APBB2: variants seen among roughly 807,000 people sequenced by gnomAD.
APBB2 encodes the protein Fe65-like 1.
APBB2 carries 38 observed loss-of-function variants against 82.5 expected under a neutral mutation model. The ratio of observed to expected loss-of-function variants is 0.46; its 90% CI spans 0.36 to 0.60. APBB2 has a LOEUF of 0.60. Among genes scored for constraint, APBB2 ranks in the 20% least tolerant of loss-of-function variants. The probability of loss-of-function intolerance (pLI) is 0.00; values close to 1 mark genes in which losing one functional copy is unlikely to be tolerated. For synonymous variants in APBB2, 341 were observed against 368.2 expected (o/e 0.93, Z 0.85); for missense variants, 772 against 972.3 (o/e 0.79, Z 2.74).
intron 6 of APBB2, among the ~76,000 whole-genome samples, chr4:40,954,839 A>G (rs1791152675): frequency 6.6e-6 from 1 of 151,962 alleles, no homozygotes; most frequent in Non-Finnish European, 1.5e-5. Flanking sequence ...AATTTTTTGT[A>G]TTTTTAATAG....
At chr4:40,819,213 TCTCA>T (rs1341089038) in intron 17 of APBB2, among the ~76,000 whole-genome samples, 1 of 140,794 alleles carries the variant, frequency 7.1e-6, no homozygotes, top group South Asian at 2.3e-4. Flanking sequence ...TGAGACAGGG[TCTCA>T]CTCTTTCACA....
At chr4:40,818,145 C>G (rs1054400911) in intron 17 of APBB2, among the ~76,000 whole-genome samples, 4 of 152,188 alleles carry the variant, frequency 2.6e-5, no homozygotes, top group Admixed American at 2.0e-4. Flanking sequence ...AATAGATATT[C>G]ACATGGTATA....
At chr4:41,146,189 G>C (rs1320127612) in intron 1 of APBB2, among the ~76,000 whole-genome samples, 1 of 152,086 alleles carries the variant, frequency 6.6e-6, no homozygotes, top group African/African-American at 2.4e-5. Context: ...AGCAAGGCAT[G>C]GTGGCACACG....
chr4:41,195,403 C>A, intron 1 of APBB2, among the ~76,000 whole-genome samples: 1 of 152,042 alleles, frequency 6.6e-6, no homozygotes, highest in African/African-American at 2.4e-5. Context: ...ATCAACAAAC[C>A]GTGCTCGCTC....
intron 1 of APBB2, among the ~76,000 whole-genome samples, chr4:41,196,456 C>CA: frequency 1.3e-5 from 2 of 152,010 alleles, no homozygotes; most frequent in African/African-American, 4.8e-5. Context: ...ACATTCAATG[C>CA]AAAAAAATTC....
chr4:41,176,735 G>A (rs1769889251), intron 1 of APBB2, among the ~76,000 whole-genome samples: 2 of 151,918 alleles, frequency 1.3e-5, no homozygotes, highest in African/African-American at 2.4e-5. Context: ...CAAAACAAAT[G>A]AAAAGCTAAT....
intron 12 of APBB2, among the ~76,000 whole-genome samples, chr4:40,831,135 C>T (rs1166914390): frequency 1.3e-5 from 2 of 151,956 alleles, no homozygotes; most frequent in African/African-American, 4.8e-5. Context: ...CGTGGTGGCT[C>T]ATGCCTGTAA....
Position 40,981,336 on chromosome 4 carries a change from C to T in APBB2, c.835+32247G>A, listed in dbSNP as rs1400676382. 6.6e-5 allele frequency among the ~76,000 whole-genome samples: 10 copies of T among 151,640 alleles called. No homozygotes were observed. The South Asian group carries it at 1.0e-3, about 16-fold the overall frequency. ...GTGGAGGTTTACAGTGAGCTGAGAT[C>T]GCACCACTGTACTCTGGCCTGGCGA... On this transcript the variant is annotated intron_variant, in intron 6 of 17. Transcript: ENST00000508593.
chr4:41,182,266 A>G (rs1194617044), intron 1 of APBB2, among the ~76,000 whole-genome samples: 1 of 152,184 alleles, frequency 6.6e-6, no homozygotes, highest in Non-Finnish European at 1.5e-5. Context: ...ACTGCTTGTC[A>G]AGATCACCAA....
chr4:41,195,999 A>C, intron 1 of APBB2, among the ~76,000 whole-genome samples: 5 of 150,664 alleles, frequency 3.3e-5, no homozygotes, highest in Non-Finnish European at 7.4e-5. Context: ...TCTCTACCGA[A>C]ACTACAAAAA....
At chr4:40,974,314 C>A (rs1796650535) in intron 6 of APBB2, among the ~76,000 whole-genome samples, 1 of 152,122 alleles carries the variant, frequency 6.6e-6, no homozygotes, top group African/African-American at 2.4e-5. Flanking sequence ...GGACACAATT[C>A]AACTTATTAA....
At chr4:40,902,733 T>C (rs1338285051) in intron 10 of APBB2, among the ~76,000 whole-genome samples, 49 of 152,180 alleles carry the variant, frequency 3.2e-4, no homozygotes, top group Non-Finnish European at 4.4e-5. Context: ...TCTTGCCATG[T>C]TGCCCAGGCT....
At chr4:40,916,122 T>G (rs1174132314) in intron 10 of APBB2, among the ~76,000 whole-genome samples, 3 of 152,074 alleles carry the variant, frequency 2.0e-5, no homozygotes, top group Non-Finnish European at 1.5e-5. Context: ...AGAAAACATT[T>G]TAGGTAGTTG....
At position 40,863,501 on chromosome 4, in the gene APBB2, C is replaced by A. The variant is rs1403929454; in HGVS notation, c.1529+26863G>T. 4.6e-5 allele frequency among the ~76,000 whole-genome samples: 7 copies of A among 152,286 alleles called. No homozygotes were observed. The East Asian group carries it at 1.2e-3, about 25-fold the overall frequency. ...TGATGCCCAAGTTCTTATTCAGAGG[C>A]TCCACTTTGAATAGCAAGAATCCAT... On this transcript the variant is annotated intron_variant, in intron 12 of 17. Coordinates refer to ENST00000508593, the MANE Select transcript of APBB2 (RefSeq NM_004307.2).
chr4:40,955,124 G>A (rs936894056), intron 6 of APBB2, among the ~76,000 whole-genome samples: 1 of 152,206 alleles, frequency 6.6e-6, no homozygotes, highest in Non-Finnish European at 1.5e-5. Context: ...AATAAGAGAG[G>A]CAAACAATCA....
chr4:41,093,083 T>C (rs1742331856), intron 3 of APBB2, among the ~76,000 whole-genome samples: 1 of 152,222 alleles, frequency 6.6e-6, no homozygotes, highest in African/African-American at 2.4e-5. Flanking sequence ...TAGGGTTTGG[T>C]TTCCTTTCTC....
At chr4:40,951,682 A>C (rs1790214810) in intron 6 of APBB2, among the ~76,000 whole-genome samples, 2 of 152,242 alleles carry the variant, frequency 1.3e-5, no homozygotes, top group South Asian at 4.1e-4. Flanking sequence ...CTCACTGGGT[A>C]GTGTATAAAA....
In APBB2 at chr4:40,812,982, T is replaced by C. The variant is rs1360512289; in HGVS notation, c.*3110A>G. The C allele has an allele frequency of 6.6e-6, 1 of 152,248 alleles. No homozygotes were observed. The highest frequency in any genetic ancestry group is 1.5e-5 in the Non-Finnish European group (1 of 68,044). 9.4% of individuals were successfully genotyped at this position (152,248 alleles called of 1,614,324 possible). On this transcript the variant is annotated 3_prime_UTR_variant, in exon 18 of 18. Coordinates refer to ENST00000508593, the MANE Select transcript of APBB2 (RefSeq NM_004307.2). ...AGAAAAACGAAGCACCAAGCAGTGC[T>C]TTAGTCTGCAAAGGAAAGTTTTTAG...
intron 12 of APBB2, among the ~76,000 whole-genome samples, chr4:40,836,659 AG>A (rs1754061182): frequency 6.6e-6 from 1 of 152,162 alleles, no homozygotes; most frequent in African/African-American, 2.4e-5. Flanking sequence ...TATCAAAGAA[AG>A]GGGGTTGAGG....
Sources: gnomAD v4.1 joint callset for allele counts (sites outside exome capture counted in the v4.1 genomes callset) on GRCh38, gnomAD v4.1.1 for gene constraint, MANE v1.5 for transcripts, NCBI Gene and HGNC (gene_info 2026-07-23, HGNC 2026-07-21) for gene names.